SCFD2: variants seen among roughly 807,000 people sequenced by gnomAD.
The protein encoded by SCFD2 is sec1 family domain containing 2, also known as sec1 family domain-containing protein 2.
A neutral mutation model predicts 58.9 loss-of-function variants in SCFD2; 54 were observed. The ratio of observed to expected loss-of-function variants is 0.92; its 90% CI spans 0.74 to 1.15. The LOEUF (loss-of-function observed/expected upper bound fraction) is 1.15, where lower values mean the gene tolerates loss of function less well. SCFD2 is among the 50% of genes most tolerant of loss of function. SCFD2 has a pLI of 0.00. For missense variants in SCFD2, 805 were observed against 836.6 expected (o/e 0.96, Z 0.47); for synonymous variants, 321 against 335.9 (o/e 0.96, Z 0.49).
chr4:53,094,934 G>A (rs1171976570), intron 5 of SCFD2, among the ~76,000 whole-genome samples: 1 of 151,972 alleles, frequency 6.6e-6, no homozygotes, highest in Non-Finnish European at 1.5e-5. Flanking sequence ...AAAATACAAT[G>A]GTCAAAACTC....
At chr4:52,986,839 A>G (rs1177739092) in intron 5 of SCFD2, among the ~76,000 whole-genome samples, 1 of 151,966 alleles carries the variant, frequency 6.6e-6, no homozygotes, top group African/African-American at 2.4e-5. Flanking sequence ...TTAAATTTCT[A>G]GACTACAAGA....
chr4:53,274,074 A>G, intron 3 of SCFD2, 73 bp from the exon 4 acceptor site: 1 of 1,263,698 alleles, frequency 7.9e-7, no homozygotes, highest in Non-Finnish European at 1.1e-6. Flanking sequence ...TTCCATTAAT[A>G]ATACCACTGT....
At chr4:52,983,613 A>C (rs965558724) in intron 5 of SCFD2, among the ~76,000 whole-genome samples, 1 of 152,244 alleles carries the variant, frequency 6.6e-6, no homozygotes, top group African/African-American at 2.4e-5. Context: ...TATCTACAGA[A>C]TAAAGTGGTC....
intron 4 of SCFD2, among the ~76,000 whole-genome samples, chr4:53,237,094 G>A (rs1024094724): frequency 1.1e-4 from 17 of 149,218 alleles, no homozygotes; most frequent in Admixed American, 2.7e-4. Context: ...ATCTTGCACC[G>A]CCCTTAATCC....
intron 5 of SCFD2, among the ~76,000 whole-genome samples, chr4:52,966,251 C>G (rs543604183): frequency 3.9e-5 from 6 of 152,322 alleles, no homozygotes; most frequent in South Asian, 2.1e-4. Flanking sequence ...TCTTCCATAT[C>G]TGGAATTTGA....
At chr4:53,214,973 C>T (rs1243278464) in intron 4 of SCFD2, among the ~76,000 whole-genome samples, 4 of 151,990 alleles carry the variant, frequency 2.6e-5, no homozygotes, top group Admixed American at 6.6e-5. Context: ...AGATATGCGG[C>T]GTTATTTCTG....
intron 6 of SCFD2, among the ~76,000 whole-genome samples, chr4:52,915,912 G>A (rs1719591485): frequency 6.6e-6 from 1 of 152,198 alleles, no homozygotes; most frequent in East Asian, 1.9e-4. Context: ...AAAGAGGCCA[G>A]GCCTAAAGCC....
At chr4:53,200,606 A>G (rs1463571392) in intron 4 of SCFD2, among the ~76,000 whole-genome samples, 2 of 152,122 alleles carry the variant, frequency 1.3e-5, no homozygotes, top group African/African-American at 4.8e-5. Context: ...TTGAAAAGTC[A>G]GAAGATAGGA....
intron 4 of SCFD2, among the ~76,000 whole-genome samples, chr4:53,210,304 A>T (rs753527393): frequency 8.5e-5 from 13 of 152,096 alleles, no homozygotes; most frequent in Non-Finnish European, 1.2e-4. Flanking sequence ...GTGTGGCTGG[A>T]AAGATTTGTG....
intron 3 of SCFD2, among the ~76,000 whole-genome samples, chr4:53,302,374 C>T (rs181236949): frequency 1.3e-5 from 2 of 152,144 alleles, no homozygotes; most frequent in East Asian, 3.9e-4. Context: ...GAATAAAATA[C>T]CTAGGAATCC....
intron 7 of SCFD2, among the ~76,000 whole-genome samples, chr4:52,901,150 C>T (rs1436398841): frequency 6.6e-6 from 1 of 152,236 alleles, no homozygotes; most frequent in Non-Finnish European, 1.5e-5. Context: ...ACCCAGTGTC[C>T]TGCACCCGCT....
intron 2 of SCFD2, among the ~76,000 whole-genome samples, chr4:53,341,328 A>C (rs1237365166): frequency 2.0e-5 from 3 of 152,230 alleles, no homozygotes; most frequent in African/African-American, 7.2e-5. Context: ...TTCAGTAGCC[A>C]ATTCGATCAA....
chr4:53,268,995 A>C (rs1037330378), intron 4 of SCFD2, among the ~76,000 whole-genome samples: 3 of 152,088 alleles, frequency 2.0e-5, no homozygotes, highest in African/African-American at 7.2e-5. Context: ...AAGGGGGAAA[A>C]CTGGAATGAA....
intron 5 of SCFD2, among the ~76,000 whole-genome samples, chr4:53,005,178 G>A (rs1721946170): frequency 6.6e-6 from 1 of 152,176 alleles, no homozygotes; most frequent in African/African-American, 2.4e-5. Flanking sequence ...GGGATTACAG[G>A]TGTGAGCCAC....
intron 4 of SCFD2, among the ~76,000 whole-genome samples, chr4:53,251,850 T>C (rs1172950087): frequency 6.6e-6 from 1 of 151,070 alleles, no homozygotes; most frequent in African/African-American, 2.4e-5. Flanking sequence ...CTCTCACCAC[T>C]CCTATTCAAC....
chr4:53,118,958 T>G (rs1725399166), intron 5 of SCFD2, among the ~76,000 whole-genome samples: 2 of 152,140 alleles, frequency 1.3e-5, no homozygotes, highest in South Asian at 4.1e-4. Context: ...AGTAGAGACT[T>G]GAAATGCATT....
chr4:53,284,718 A>G (rs1731611453), intron 3 of SCFD2, among the ~76,000 whole-genome samples: 1 of 152,224 alleles, frequency 6.6e-6, no homozygotes, highest in Admixed American at 6.5e-5. Context: ...TAAGTCAGCC[A>G]TAAGAAAAAA....
intron 3 of SCFD2, among the ~76,000 whole-genome samples, chr4:53,296,483 A>G (rs1330785918): frequency 1.3e-5 from 2 of 151,940 alleles, no homozygotes; most frequent in African/African-American, 4.8e-5. Flanking sequence ...CGGTGGTGAT[A>G]TATCCTTTAT....
intron 5 of SCFD2, among the ~76,000 whole-genome samples, chr4:53,048,660 G>C (rs555301228): frequency 5.9e-5 from 9 of 152,316 alleles, no homozygotes; most frequent in African/African-American, 1.4e-4. Flanking sequence ...CAGATCGCTC[G>C]AGCCTGAAAG....
Sources: allele counts gnomAD v4.1 joint callset (sites outside exome capture counted in the v4.1 genomes callset), GRCh38; gene constraint gnomAD v4.1.1; transcripts MANE v1.5; gene names NCBI Gene and HGNC (gene_info 2026-07-23, HGNC 2026-07-21).